The following ARHGEF10 variants were observed in gnomAD, a reference collection of about 807,000 sequenced individuals.
ARHGEF10 encodes Rho guanine nucleotide exchange factor 10, also known as Rho guanine nucleotide exchange factor (GEF) 10.
In ARHGEF10, 140 loss-of-function variants were observed where a neutral mutation model predicts 147.4. The ratio of observed to expected loss-of-function variants is 0.95; its 90% confidence interval spans 0.83 to 1.09. The LOEUF (loss-of-function observed/expected upper bound fraction) is 1.09. Ranked by LOEUF, ARHGEF10 falls within the 50% of genes least tolerant of loss-of-function variation. ARHGEF10 has a pLI of 0.00. For missense variants in ARHGEF10, 2,222 were observed against 1,752.7 expected (o/e 1.27, Z -4.78); for synonymous variants, 902 against 695.8 (o/e 1.30, Z -4.67).
intron 4 of ARHGEF10, among the ~76,000 whole-genome samples, chr8:1,863,622 TCA>T (rs1806335869): frequency 6.6e-6 from 1 of 152,142 alleles, no homozygotes; most frequent in Non-Finnish European, 1.5e-5. Context: ...AGTACAGCCA[TCA>T]CAGACTCTGG....
At chr8:1,898,623 C>T (rs1810212320) in intron 15 of ARHGEF10, 98 bp downstream of exon 15, 2 of 1,180,032 alleles carry the variant, frequency 1.7e-6, no homozygotes, top group Non-Finnish European at 2.5e-6. Context: ...ATGGCTGCCC[C>T]TCGGGCCTCC....
intron 18 of ARHGEF10, among the ~76,000 whole-genome samples, chr8:1,919,132 C>T (rs1447746780): frequency 7.1e-6 from 1 of 141,826 alleles, no homozygotes; most frequent in Non-Finnish European, 1.5e-5. Context: ...GGTGATGGAG[C>T]TGTTCCATGG....
intron 28 of ARHGEF10, among the ~76,000 whole-genome samples, chr8:1,955,791 A>G (rs796655675): frequency 2.0e-5 from 3 of 152,368 alleles, no homozygotes; most frequent in African/African-American, 4.8e-5. Context: ...CTCTGCTGAC[A>G]TGGGCAGAAG....
rs1273218901 is a variant in ARHGEF10 at position 1,869,180 on chromosome 8, C to G, written c.623-14C>G. On this transcript the variant is annotated splice_polypyrimidine_tract_variant and intron_variant, in intron 6 of 28. Coordinates refer to ENST00000349830, the MANE Select transcript of ARHGEF10 (RefSeq NM_014629.4). ...TTGGTCACTGTTTAAAGTGTTTCTC[C>G]CCGTTTATTGCAGATCCAGAGGAAG... The G allele has an allele frequency of 6.2e-7, 1 of 1,611,866 alleles. No homozygotes were observed. The highest frequency in any genetic ancestry group is 1.1e-5 in the South Asian group (1 of 91,050).
intron 9 of ARHGEF10, among the ~76,000 whole-genome samples, chr8:1,881,854 C>T (rs904117931): frequency 3.3e-5 from 5 of 152,186 alleles, no homozygotes; most frequent in African/African-American, 7.2e-5. Context: ...ATGGGGACAT[C>T]GGTTGTCCCA....
chr8:1,918,678 C>T (rs1022767155), intron 18 of ARHGEF10, among the ~76,000 whole-genome samples: 1 of 152,218 alleles, frequency 6.6e-6, no homozygotes, highest in Non-Finnish European at 1.5e-5. Flanking sequence ...AAAGTCTACT[C>T]TTAGTGATTT....
intron 26 of ARHGEF10, among the ~76,000 whole-genome samples, chr8:1,934,722 G>A (rs1045196045): frequency 2.0e-5 from 3 of 152,146 alleles, no homozygotes; most frequent in South Asian, 2.1e-4. Context: ...CCATGAAGAC[G>A]AAACTATAAA....
At chr8:1,926,245 C>A in intron 22 of ARHGEF10, 132 bp from the exon 23 acceptor site, 1 of 787,546 alleles carries the variant, frequency 1.3e-6, no homozygotes, top group Non-Finnish European at 2.2e-6. Flanking sequence ...CTATTTTAAT[C>A]TTTGGTAGGT....
chr8:1,826,059 G>A, intron 1 of ARHGEF10: 2 of 1,565,462 alleles, frequency 1.3e-6, no homozygotes, highest in Non-Finnish European at 1.7e-6. Flanking sequence ...TTTATTTGCT[G>A]GCTTTAGCAG....
intron 7 of ARHGEF10, among the ~76,000 whole-genome samples, chr8:1,875,248 C>T (rs537833109): frequency 6.8e-6 from 1 of 148,006 alleles, no homozygotes; most frequent in South Asian, 2.2e-4. Context: ...AGACACACAC[C>T]AGGGCGTGTA....
chr8:1,849,693 A>G (rs1804873774), intron 2 of ARHGEF10, among the ~76,000 whole-genome samples: 1 of 138,594 alleles, frequency 7.2e-6, no homozygotes, highest in African/African-American at 2.7e-5. Context: ...ATGGATGGCA[A>G]ATGCTGAGGA....
At chr8:1,839,735 A>G (rs1452493478) in intron 1 of ARHGEF10, among the ~76,000 whole-genome samples, 159 of 47,018 alleles carry the variant, frequency 3.4e-3, no homozygotes, top group Non-Finnish European at 3.7e-3. Context: ...TCCGGTGTGG[A>G]AGCTGTCTGG....
chr8:1,827,018 C>G (rs1399611545), intron 1 of ARHGEF10, among the ~76,000 whole-genome samples: 1 of 152,194 alleles, frequency 6.6e-6, no homozygotes, highest in Non-Finnish European at 1.5e-5. Context: ...TGCCAAGGGT[C>G]TGAGAGGCAG....
chr8:1,918,347 C>T lies in ARHGEF10; in HGVS notation c.2144-4617C>T, dbSNP rs376795321. Among the ~76,000 whole-genome samples, 5 of 152,156 alleles carry T rather than the reference C, an allele frequency of 3.3e-5. No individual in the cohort carries two copies. In the East Asian group the frequency reaches 7.8e-4, roughly 24 times the overall value. On this transcript the variant is annotated intron_variant, in intron 18 of 28. Transcript: ENST00000349830. ...ATCCGGCAGACATAAAACGTCAGCA[C>T]ATTTCCATGGTCCGTAAGGTCGAGG...
At position 1,850,013 on chromosome 8, in the gene ARHGEF10, G is replaced by A. The variant is rs74701134; in HGVS notation, c.37+6577G>A. Among the ~76,000 whole-genome samples, 473 of 77,422 alleles carry A rather than the reference G, an allele frequency of 6.1e-3. 1 individual carries two copies. The highest frequency in any genetic ancestry group is 0.015 in the African/African-American group (254 of 16,996). The allele number at this position is 77,422 out of a possible 152,430, so 50.8% of individuals were successfully genotyped here. A position where few individuals can be genotyped will look rare whatever the true frequency, so the allele number is the denominator to read the frequency against. On this transcript the variant is annotated intron_variant, in intron 2 of 28. Transcript: ENST00000349830. Reference sequence around the variant, plus strand: ...ACAGAGGGCAAATGCTGAGGAGGGCGTGGGCCGGCTGCATGGACACAGAGG... The same window carrying A: ...ACAGAGGGCAAATGCTGAGGAGGGCATGGGCCGGCTGCATGGACACAGAGG...
intron 26 of ARHGEF10, among the ~76,000 whole-genome samples, chr8:1,939,573 A>G (rs1440293718): frequency 6.6e-6 from 1 of 152,246 alleles, no homozygotes; most frequent in East Asian, 1.9e-4. Flanking sequence ...CAAGCCAAGC[A>G]TGCGTCCCTG....
chr8:1,836,931 C>T (rs116532342), intron 1 of ARHGEF10, among the ~76,000 whole-genome samples: 4,006 of 152,280 alleles, frequency 0.026, 127 homozygotes, highest in African/African-American at 0.08. Context: ...GCCGCCGCCA[C>T]GTAAGAAGTG....
rs1382691034 is a variant in ARHGEF10, at chr8:1,924,715, G to A, written c.2489-568G>A. The stretch of plus-strand genomic sequence containing the variant: ...TCATTTTTCAGGTCAGGTTCAGAGT[G>A]ACTTAGCAAACAAGGAAGTGGCCAC... On this transcript the variant is annotated intron_variant, in intron 21 of 28. Coordinates refer to ENST00000349830, the MANE Select transcript of ARHGEF10 (RefSeq NM_014629.4). 2.0e-5 allele frequency among the ~76,000 whole-genome samples: 3 copies of A among 152,296 alleles called. No individual in the cohort carries two copies. In the East Asian group the frequency reaches 5.8e-4, roughly 29 times the overall value.
chr8:1,842,596 G>C (rs113442795), intron 1 of ARHGEF10, among the ~76,000 whole-genome samples: 16 of 152,300 alleles, frequency 1.1e-4, no homozygotes, highest in African/African-American at 3.6e-4. Flanking sequence ...CCTGGTCCCC[G>C]GTGCTAGAGC....
Sources: gnomAD v4.1 joint callset for allele counts (sites outside exome capture counted in the v4.1 genomes callset) on GRCh38, gnomAD v4.1.1 for gene constraint, MANE v1.5 for transcripts, NCBI Gene and HGNC (gene_info 2026-07-23, HGNC 2026-07-21) for gene names.